The following TMEM244 variants were observed in gnomAD, a reference collection of about 807,000 sequenced individuals.
The protein encoded by TMEM244 is putative transmembrane protein 244.
Under a neutral mutation model 15.8 loss-of-function variants are expected in TMEM244, and 13 were observed. The observed-to-expected ratio is 0.82, with a 90% CI of 0.53 to 1.30. The LOEUF (loss-of-function observed/expected upper bound fraction) is 1.30, where lower values mean the gene tolerates loss of function less well. TMEM244 is among the 50% of genes most tolerant of loss of function. The pLI is 0.00. For synonymous variants in TMEM244, 45 were observed against 48.7 expected (o/e 0.92, Z 0.32); for missense variants, 161 against 144.9 (o/e 1.11, Z -0.57).
intron 4 of TMEM244, among the ~76,000 whole-genome samples, chr6:129,832,393 T>C (rs1448208754): frequency 2.0e-5 from 3 of 152,156 alleles, no homozygotes; most frequent in Non-Finnish European, 4.4e-5. Context: ...CCACGGCACC[T>C]GGCGGAGACA....
intron 2 of TMEM244, among the ~76,000 whole-genome samples, 167 bp from the exon 3 acceptor site, chr6:129,843,770 T>C (rs1316550420): frequency 6.6e-6 from 1 of 152,210 alleles, no homozygotes; most frequent in African/African-American, 2.4e-5. Context: ...GCAATGAAGA[T>C]AATAATCTCT....
intron 3 of TMEM244, among the ~76,000 whole-genome samples, chr6:129,843,064 A>C (rs1776513412): frequency 1.3e-5 from 2 of 152,110 alleles, no homozygotes; most frequent in South Asian, 4.1e-4. Flanking sequence ...CTGTCATCCC[A>C]GATGGGAGAT....
At chr6:129,838,235 C>T (rs1776436435) in intron 3 of TMEM244, among the ~76,000 whole-genome samples, 1 of 151,904 alleles carries the variant, frequency 6.6e-6, no homozygotes, top group African/African-American at 2.4e-5. Context: ...TCAGACTGAT[C>T]TCTCAGATCA....
At chr6:129,839,534 T>A (rs868350319) in intron 3 of TMEM244, among the ~76,000 whole-genome samples, 63 of 152,292 alleles carry the variant, frequency 4.1e-4, no homozygotes, top group African/African-American at 1.3e-3. Flanking sequence ...AAGGATGCCC[T>A]CTCTCAGCAC....
At chr6:129,839,053 A>C (rs570086049) in intron 3 of TMEM244, among the ~76,000 whole-genome samples, 3 of 152,316 alleles carry the variant, frequency 2.0e-5, no homozygotes, top group Non-Finnish European at 4.4e-5. Flanking sequence ...AATAGAAAAG[A>C]GAGAATCCTC....
At chr6:129,847,546 A>G (rs1162233310) in intron 1 of TMEM244, among the ~76,000 whole-genome samples, 2 of 152,040 alleles carry the variant, frequency 1.3e-5, no homozygotes, top group Non-Finnish European at 2.9e-5. Flanking sequence ...ACTATTTTTA[A>G]ATGGGTGGGA....
chr6:129,835,606 C>T (rs754961131), intron 3 of TMEM244, among the ~76,000 whole-genome samples: 11 of 152,110 alleles, frequency 7.2e-5, no homozygotes, highest in Non-Finnish European at 1.5e-4. Context: ...AGGGTGTTGC[C>T]TCACCCGGGA....
chr6:129,846,588 A>C (rs1009944253), intron 1 of TMEM244, among the ~76,000 whole-genome samples: 1 of 152,166 alleles, frequency 6.6e-6, no homozygotes, highest in Non-Finnish European at 1.5e-5. Context: ...ACTGGAACAA[A>C]CTTCCTAAAT....
At chr6:129,855,009 C>A (rs1776685784) in intron 1 of TMEM244, among the ~76,000 whole-genome samples, 1 of 152,138 alleles carries the variant, frequency 6.6e-6, no homozygotes, top group Non-Finnish European at 1.5e-5. Context: ...TTTAAGAAAC[C>A]TCTCAGGTGA....
chr6:129,841,979 A>G (rs1333318588), intron 3 of TMEM244, among the ~76,000 whole-genome samples: 1 of 152,194 alleles, frequency 6.6e-6, no homozygotes, highest in African/African-American at 2.4e-5. Context: ...ACCCAAAATT[A>G]AAGATCTAAT....
At chr6:129,844,698 G>C (rs527285718) in intron 2 of TMEM244, among the ~76,000 whole-genome samples, 1 of 152,256 alleles carries the variant, frequency 6.6e-6, no homozygotes, top group East Asian at 1.9e-4. Context: ...AGAGAGTCTT[G>C]CCTTCTCCTT....
At chr6:129,856,546 T>G (rs1242926192) in intron 1 of TMEM244, among the ~76,000 whole-genome samples, 1 of 152,162 alleles carries the variant, frequency 6.6e-6, no homozygotes, top group Non-Finnish European at 1.5e-5. Flanking sequence ...AGGTGATAAA[T>G]AAGTCTATCT....
At chr6:129,851,877 A>T (rs1435078514) in intron 1 of TMEM244, among the ~76,000 whole-genome samples, 1 of 152,178 alleles carries the variant, frequency 6.6e-6, no homozygotes, top group African/African-American at 2.4e-5. Flanking sequence ...ATATATTTGG[A>T]TCCTGAATCA....
chr6:129,838,253 A>G (rs1207934992), intron 3 of TMEM244, among the ~76,000 whole-genome samples: 1 of 152,206 alleles, frequency 6.6e-6, no homozygotes, highest in African/African-American at 2.4e-5. Context: ...TCACAGTGCA[A>G]TCAAATTAGA....
At chr6:129,845,709 C>T in intron 2 of TMEM244, 58 bp downstream of exon 2, 2 of 1,233,644 alleles carry the variant, frequency 1.6e-6, no homozygotes, top group South Asian at 1.3e-5. Context: ...TAAATATAAA[C>T]ATCTTTCCTA....
At chr6:129,856,697 C>T (rs1776718045) in intron 1 of TMEM244, among the ~76,000 whole-genome samples, 1 of 151,950 alleles carries the variant, frequency 6.6e-6, no homozygotes, top group African/African-American at 2.4e-5. Context: ...AGTCATCTCT[C>T]CTTTTTCTTT....
intron 3 of TMEM244, among the ~76,000 whole-genome samples, chr6:129,839,984 C>A (rs1184381299): frequency 6.6e-6 from 1 of 152,110 alleles, no homozygotes; most frequent in East Asian, 1.9e-4. Context: ...GAATCAGTAT[C>A]GTGAAAATGG....
chr6:129,851,084 T>A (rs1776632327), intron 1 of TMEM244, among the ~76,000 whole-genome samples: 1 of 152,176 alleles, frequency 6.6e-6, no homozygotes, highest in Non-Finnish European at 1.5e-5. Context: ...TGGGTTTGGT[T>A]GTCTTTCATT....
At chr6:129,859,074 A>T (rs1776760983) in intron 1 of TMEM244, among the ~76,000 whole-genome samples, 1 of 152,140 alleles carries the variant, frequency 6.6e-6, no homozygotes, top group Non-Finnish European at 1.5e-5. Context: ...GATTACAGGC[A>T]TGAGCCACCA....
Sources: allele counts gnomAD v4.1 joint callset (sites outside exome capture counted in the v4.1 genomes callset), GRCh38; gene constraint gnomAD v4.1.1; transcripts MANE v1.5; gene names NCBI Gene and HGNC (gene_info 2026-07-23, HGNC 2026-07-21).